The following MCTP1 variants were observed in gnomAD, a reference collection of about 807,000 sequenced individuals.
The protein encoded by MCTP1 is multiple C2 and transmembrane domain-containing protein 1.
In MCTP1, 69 loss-of-function variants were observed where a neutral mutation model predicts 120.6. The observed-to-expected ratio is 0.57, with a 90% CI of 0.47 to 0.70. MCTP1 has a LOEUF of 0.70. MCTP1 is among the 30% of genes least tolerant of loss of function. The pLI, the probability that MCTP1 is intolerant of heterozygous loss-of-function variation, is 0.00. For missense variants in MCTP1, 1,203 were observed against 1,248.8 expected (o/e 0.96, Z 0.55); for synonymous variants, 529 against 493.1 (o/e 1.07, Z -0.96).
At chr5:95,158,142 C>A (rs956819760) in intron 1 of MCTP1, among the ~76,000 whole-genome samples, 10 of 152,170 alleles carry the variant, frequency 6.6e-5, no homozygotes, top group African/African-American at 2.4e-4. Context: ...TTGAGCCTGG[C>A]AGTCAATTCC....
At chr5:95,185,260 A>G (rs1028424083) in intron 1 of MCTP1, among the ~76,000 whole-genome samples, 1 of 152,200 alleles carries the variant, frequency 6.6e-6, no homozygotes, top group African/African-American at 2.4e-5. Flanking sequence ...AACAAAAAAT[A>G]TATTCTATGA....
Position 95,202,636 on chromosome 5 carries a change from A to G in MCTP1, c.720+81220T>C, listed in dbSNP as rs549527840. ...GATGAAATTTCCCCTAGAAAGTATC[A>G]AAATTAATTTCTCCTAAGTTTTGTC... On this transcript the variant is annotated intron_variant, in intron 1 of 22. Transcript: ENST00000515393. Among the ~76,000 whole-genome samples, 4 of 152,316 alleles carry G rather than the reference A, an allele frequency of 2.6e-5. No individual in the cohort carries two copies. In the South Asian group the frequency reaches 6.2e-4, roughly 24 times the overall value.
intron 2 of MCTP1, among the ~76,000 whole-genome samples, chr5:94,954,896 T>C (rs1430352728): frequency 3.3e-5 from 5 of 152,138 alleles, no homozygotes; most frequent in Non-Finnish European, 7.4e-5. Flanking sequence ...AATAAGTGAA[T>C]TGGATTCTTT....
At chr5:95,081,837 T>C (rs1334637082) in intron 1 of MCTP1, 1 of 1,018,316 alleles carries the variant, frequency 9.8e-7, no homozygotes, top group African/African-American at 1.7e-5. Context: ...AAATCAAACA[T>C]GCAGTGTTAG....
intron 11 of MCTP1, among the ~76,000 whole-genome samples, chr5:94,891,893 G>C (rs767609019): frequency 2.6e-5 from 4 of 152,194 alleles, no homozygotes; most frequent in Non-Finnish European, 4.4e-5. Context: ...GATGGCTTCT[G>C]AAGCCAGAAA....
At chr5:95,211,503 C>T (rs1459014367) in intron 1 of MCTP1, among the ~76,000 whole-genome samples, 6 of 152,126 alleles carry the variant, frequency 3.9e-5, no homozygotes, top group African/African-American at 1.4e-4. Context: ...ACATAGTTCT[C>T]GAGCCTTGGC....
At chr5:95,190,438 C>T (rs148666423) in intron 1 of MCTP1, among the ~76,000 whole-genome samples, 18 of 152,188 alleles carry the variant, frequency 1.2e-4, no homozygotes, top group African/African-American at 4.1e-4. Context: ...AAAAACAATG[C>T]ACCACTATCT....
At chr5:94,784,578 A>G (rs961088744) in intron 18 of MCTP1, among the ~76,000 whole-genome samples, 2 of 152,088 alleles carry the variant, frequency 1.3e-5, no homozygotes, top group African/African-American at 2.4e-5. Context: ...TTGTAAGAAT[A>G]ATAAGATTCA....
At chr5:95,099,745 C>T (rs1280413156) in intron 1 of MCTP1, among the ~76,000 whole-genome samples, 2 of 151,362 alleles carry the variant, frequency 1.3e-5, no homozygotes, top group Non-Finnish European at 2.9e-5. Flanking sequence ...ACTAGAAATA[C>T]CATTTGACCC....
chr5:95,250,275 A>G (rs1315123130), intron 1 of MCTP1, among the ~76,000 whole-genome samples: 1 of 152,210 alleles, frequency 6.6e-6, no homozygotes, highest in African/African-American at 2.4e-5. Flanking sequence ...ATGTACAGCA[A>G]CTACCTGAGC....
chr5:94,811,408 G>C (rs994319158), intron 17 of MCTP1, among the ~76,000 whole-genome samples: 1 of 152,278 alleles, frequency 6.6e-6, no homozygotes, highest in South Asian at 2.1e-4. Flanking sequence ...CACTAGTTTA[G>C]ACAGCAAGCA....
intron 1 of MCTP1, among the ~76,000 whole-genome samples, chr5:95,101,284 C>T (rs567815092): frequency 1.3e-5 from 2 of 152,152 alleles, no homozygotes; most frequent in African/African-American, 4.8e-5. Context: ...ACAGAAAAAA[C>T]CTCAAAATTT....
At chr5:94,971,000 A>G (rs886375126) in intron 2 of MCTP1, among the ~76,000 whole-genome samples, 1 of 152,052 alleles carries the variant, frequency 6.6e-6, no homozygotes, top group Non-Finnish European at 1.5e-5. Context: ...ATTAATTGCA[A>G]TGATTCTGGG....
At chr5:94,830,459 C>T (rs1194451993) in intron 17 of MCTP1, among the ~76,000 whole-genome samples, 2 of 152,176 alleles carry the variant, frequency 1.3e-5, no homozygotes, top group Non-Finnish European at 2.9e-5. Context: ...ATTTTAGGAT[C>T]TTCTACAGAG....
At chr5:94,874,114 C>T (rs1168940389) in intron 12 of MCTP1, among the ~76,000 whole-genome samples, 1 of 151,872 alleles carries the variant, frequency 6.6e-6, no homozygotes, top group Admixed American at 6.6e-5. Flanking sequence ...ATACAAATGA[C>T]AATGAAATCA....
intron 1 of MCTP1, among the ~76,000 whole-genome samples, chr5:95,021,759 C>A (rs1363475530): frequency 6.6e-6 from 1 of 151,914 alleles, no homozygotes; most frequent in African/African-American, 2.4e-5. Flanking sequence ...TCTAATACTT[C>A]AATTATTTAT....
chr5:94,773,165 A>T lies in MCTP1; in HGVS notation c.2610+5945T>A, dbSNP rs74843465. On this transcript the variant is annotated intron_variant, in intron 19 of 22. Coordinates refer to ENST00000515393, the MANE Select transcript of MCTP1 (RefSeq NM_024717.7). ...TTTGCTCTTCTCCCAAGTAGGAGAA[A>T]ACAAGAAGAAATAGCCCTTTCCTGT... 6.0e-3 allele frequency among the ~76,000 whole-genome samples: 909 copies of T among 152,294 alleles called. 6 individuals carry two copies. Among genetic ancestry groups the T allele is most frequent in the African/African-American group, 0.021 (881 of 41,548 alleles).
chr5:95,198,381 A>C (rs550492846), intron 1 of MCTP1, among the ~76,000 whole-genome samples: 49 of 152,336 alleles, frequency 3.2e-4, no homozygotes, highest in Non-Finnish European at 2.8e-4. Flanking sequence ...TACTGTAAGT[A>C]TCCACACAAC....
intron 1 of MCTP1, among the ~76,000 whole-genome samples, chr5:95,223,981 G>C (rs1205661187): frequency 6.6e-6 from 1 of 152,108 alleles, no homozygotes; most frequent in African/African-American, 2.4e-5. Flanking sequence ...AAACAATGAG[G>C]CTATTTGAAA....
Sources: allele counts gnomAD v4.1 joint callset (sites outside exome capture counted in the v4.1 genomes callset), GRCh38; gene constraint gnomAD v4.1.1; transcripts MANE v1.5; gene names NCBI Gene and HGNC (gene_info 2026-07-23, HGNC 2026-07-21).